The following PRKN variants were observed in gnomAD, a reference collection of about 807,000 sequenced individuals.
The protein encoded by PRKN is E3 ubiquitin-protein ligase parkin.
Under a neutral mutation model 59.5 loss-of-function variants are expected in PRKN, and 56 were observed. The ratio of observed to expected loss-of-function variants is 0.94; its 90% CI spans 0.76 to 1.18. PRKN has a LOEUF of 1.18. Among genes scored for constraint, PRKN ranks in the 50% most tolerant of loss-of-function variants. The pLI, the probability that PRKN is intolerant of heterozygous loss-of-function variation, is 0.00. For synonymous variants in PRKN, 250 were observed against 222.1 expected, an observed-to-expected ratio of 1.13 and a Z score of -1.12; for missense variants, 657 against 596.4, an observed-to-expected ratio of 1.10 and a Z score of -1.06.
intron 1 of PRKN, among the ~76,000 whole-genome samples, chr6:162,457,455 C>A (rs1790935354): frequency 6.6e-6 from 1 of 151,944 alleles, no homozygotes; most frequent in South Asian, 2.1e-4. Flanking sequence ...ACTACTTAAA[C>A]CTATAATAAA....
At chr6:162,214,481 T>A (rs1397901707) in intron 3 of PRKN, among the ~76,000 whole-genome samples, 3 of 152,216 alleles carry the variant, frequency 2.0e-5, no homozygotes, top group Admixed American at 6.5e-5. Flanking sequence ...AATTCATTTT[T>A]AAATCTTATT....
intron 1 of PRKN, among the ~76,000 whole-genome samples, chr6:162,462,891 C>T (rs371453426): frequency 5.9e-5 from 9 of 151,938 alleles, no homozygotes; most frequent in South Asian, 2.1e-4. Flanking sequence ...GTCAGGAGTT[C>T]GAGACCAGCC....
intron 7 of PRKN, among the ~76,000 whole-genome samples, chr6:161,737,734 G>C (rs1267234606): frequency 2.0e-5 from 3 of 152,154 alleles, no homozygotes; most frequent in Non-Finnish European, 4.4e-5. Context: ...GACCATACCA[G>C]ATGACTCCAT....
chr6:162,210,972 C>T (rs867122035), intron 3 of PRKN, among the ~76,000 whole-genome samples: 5 of 152,066 alleles, frequency 3.3e-5, no homozygotes, highest in Admixed American at 6.6e-5. Flanking sequence ...AAGGTAGGTA[C>T]GATTGTCAGC....
Position 161,360,059 on chromosome 6 carries a change from T to A in PRKN, c.1285+29A>T, listed in dbSNP as rs1470697332. ...ATTCTCCCCCAAAGAGCACACGACA[T>A]CCTCATTCTCTGCTCAGCACAGACT... is the stretch of plus-strand genomic sequence containing the variant. On this transcript the variant is annotated intron_variant, in intron 11 of 11. Coordinates refer to ENST00000366898, the MANE Select transcript of PRKN (RefSeq NM_004562.3). The surrounding 1 kb of genome is among the most constrained non-coding windows in gnomAD (Gnocchi z 5.1). The A allele has an allele frequency of 6.8e-7, 1 of 1,470,814 alleles. No homozygotes were observed. Among genetic ancestry groups the A allele is most frequent in the African/African-American group, 1.4e-5 (1 of 72,204 alleles). The allele number at this position is 1,470,814 out of a possible 1,614,324, so 91.1% of individuals were successfully genotyped here. A position where few individuals can be genotyped will look rare whatever the true frequency, so the allele number is the denominator to read the frequency against.
At chr6:161,716,283 G>T (rs146475715) in intron 7 of PRKN, among the ~76,000 whole-genome samples, 35 of 152,318 alleles carry the variant, frequency 2.3e-4, no homozygotes, top group African/African-American at 7.5e-4. Flanking sequence ...AGGAACTAGA[G>T]GCATTTTCTG....
intron 6 of PRKN, among the ~76,000 whole-genome samples, chr6:161,885,333 G>A (rs4464764): frequency 0.5 from 75,162 of 151,642 alleles, 19,880 homozygotes; most frequent in African/African-American, 0.69. Context: ...GAGCAGATAA[G>A]GGAGGTTTCA....
intron 2 of PRKN, among the ~76,000 whole-genome samples, chr6:162,335,589 T>TA: frequency 6.6e-6 from 1 of 152,290 alleles, no homozygotes; most frequent in Non-Finnish European, 1.5e-5. Flanking sequence ...TAAAAAGCAA[T>TA]ATGTTTATGC....
rs138302398 is a variant in PRKN, at chr6:161,855,562, T to C, written c.735-69654A>G. Among the ~76,000 whole-genome samples, 803 of 151,860 alleles carry C rather than the reference T, an allele frequency of 5.3e-3. 14 individuals carry two copies. Among genetic ancestry groups the C allele is most frequent in the African/African-American group, 0.019 (786 of 41,414 alleles). ...AGGCTGCTAAATCCTCATCTGTTGA[T>C]TGGGTCTTTAAAACATTACTATTGT... On this transcript the variant is annotated intron_variant, in intron 6 of 11. Coordinates refer to ENST00000366898, the MANE Select transcript of PRKN (RefSeq NM_004562.3).
chr6:162,093,421 G>A (rs928756495), intron 4 of PRKN, among the ~76,000 whole-genome samples: 6 of 152,114 alleles, frequency 3.9e-5, no homozygotes, highest in African/African-American at 1.2e-4. Flanking sequence ...CCAATTTGCA[G>A]ATCTCCGTGT....
At chr6:161,924,787 C>T (rs754191342) in intron 6 of PRKN, among the ~76,000 whole-genome samples, 2 of 152,224 alleles carry the variant, frequency 1.3e-5, no homozygotes, top group African/African-American at 2.4e-5. Flanking sequence ...TTCTCACCAT[C>T]TCCACAGCAT....
chr6:162,030,906 G>A (rs1783611181), intron 5 of PRKN, among the ~76,000 whole-genome samples: 3 of 152,154 alleles, frequency 2.0e-5, no homozygotes, highest in Admixed American at 2.0e-4. Context: ...CCTCTCCTCA[G>A]CTCACTCCAG....
chr6:161,759,598 CT>C (rs1789105948), intron 7 of PRKN, among the ~76,000 whole-genome samples: 1 of 152,164 alleles, frequency 6.6e-6, no homozygotes, highest in Non-Finnish European at 1.5e-5. Flanking sequence ...TTTCCAACTT[CT>C]TTTTTATTCT....
chr6:162,162,645 C>A (rs2128317134), intron 4 of PRKN, among the ~76,000 whole-genome samples: 2 of 152,198 alleles, frequency 1.3e-5, no homozygotes, highest in Middle Eastern at 3.4e-3. Flanking sequence ...AACTCATATG[C>A]AAATAGTAAA....
At chr6:162,612,017 C>A (rs1351418246) in intron 1 of PRKN, among the ~76,000 whole-genome samples, 1 of 146,846 alleles carries the variant, frequency 6.8e-6, no homozygotes, top group Non-Finnish European at 1.5e-5. Flanking sequence ...AACCCCGTCT[C>A]TACTAAAAAT....
chr6:162,396,456 C>A (rs1290199516), intron 2 of PRKN, among the ~76,000 whole-genome samples: 1 of 151,968 alleles, frequency 6.6e-6, no homozygotes, highest in African/African-American at 2.4e-5. Context: ...CACTTCCCAG[C>A]CAGAGCATAA....
chr6:161,857,948 T>C (rs911898003), intron 6 of PRKN, among the ~76,000 whole-genome samples: 1 of 152,166 alleles, frequency 6.6e-6, no homozygotes, highest in Non-Finnish European at 1.5e-5. Context: ...TGTTGTAGCA[T>C]CCAATTATCA....
chr6:162,390,302 G>GT (rs1481836643), intron 2 of PRKN, among the ~76,000 whole-genome samples: 1 of 148,740 alleles, frequency 6.7e-6, no homozygotes, highest in South Asian at 2.1e-4. Flanking sequence ...GAAATTTTTA[G>GT]TTTTTTAAAG....
At chr6:161,983,961 T>C (rs1159157373) in intron 5 of PRKN, among the ~76,000 whole-genome samples, 3 of 151,900 alleles carry the variant, frequency 2.0e-5, no homozygotes, top group Non-Finnish European at 2.9e-5. Flanking sequence ...CCTTATAAAA[T>C]GCGTGAAAAC....
Sources: gnomAD v4.1 joint callset for allele counts (sites outside exome capture counted in the v4.1 genomes callset) on GRCh38, gnomAD v4.1.1 for gene constraint, Gnocchi (gnomAD v3.1) non-coding constraint, MANE v1.5 for transcripts, NCBI Gene and HGNC (gene_info 2026-07-23, HGNC 2026-07-21) for gene names.